The following AKAP19 variants were observed in gnomAD, a reference collection of about 807,000 sequenced individuals.
AKAP19 encodes the protein A-kinase anchoring protein 19.
At chr2:190,010,587 A>G in the AKAP19 span, among the ~76,000 whole-genome samples, 1 of 152,216 alleles carries the variant, frequency 6.6e-6, no homozygotes, top group Non-Finnish European at 1.5e-5. Flanking sequence ...AGATTCATCT[A>G]ACAAATATTT....
the AKAP19 span, among the ~76,000 whole-genome samples, chr2:189,905,243 C>T: frequency 0.05 from 7,584 of 151,892 alleles, 313 homozygotes; most frequent in African/African-American, 0.1. Context: ...AAGAAGCTGA[C>T]GCTTTAGTTG....
At chr2:190,197,518 T>A in the AKAP19 span, among the ~76,000 whole-genome samples, 1 of 152,202 alleles carries the variant, frequency 6.6e-6, no homozygotes, top group South Asian at 2.1e-4. This position sits in a 1 kb window ranked among gnomAD's most constrained non-coding sequence, Gnocchi z 4.0. Context: ...GAACTCTATC[T>A]TATAAATTCC....
chr2:190,046,448 G>T, the AKAP19 span, among the ~76,000 whole-genome samples: 1 of 152,040 alleles, frequency 6.6e-6, no homozygotes, highest in East Asian at 1.9e-4. Context: ...ATTTCTAATT[G>T]AATTCATTTG....
the AKAP19 span, among the ~76,000 whole-genome samples, chr2:190,172,713 T>G: frequency 6.6e-6 from 1 of 152,198 alleles, no homozygotes; most frequent in East Asian, 1.9e-4. Flanking sequence ...TCAGGCCTGG[T>G]TCAAATTCAA....
At chr2:190,175,256 T>C in the AKAP19 span, among the ~76,000 whole-genome samples, 30 of 152,204 alleles carry the variant, frequency 2.0e-4, no homozygotes, top group African/African-American at 7.2e-4. Context: ...ACAGATCTTG[T>C]ATAGGAAGAT....
At chr2:189,973,356 C>G in the AKAP19 span, among the ~76,000 whole-genome samples, 1 of 152,124 alleles carries the variant, frequency 6.6e-6, no homozygotes, top group South Asian at 2.1e-4. Context: ...GGTGGATAAA[C>G]TTTTTGATGT....
the AKAP19 span, among the ~76,000 whole-genome samples, chr2:189,986,403 C>A: frequency 2.7e-5 from 4 of 147,104 alleles, no homozygotes; most frequent in South Asian, 2.2e-4. Context: ...AAAAACAAAA[C>A]ACAAAAAAGA....
At chr2:190,077,438 A>AC in the AKAP19 span, among the ~76,000 whole-genome samples, 2 of 135,728 alleles carry the variant, frequency 1.5e-5, no homozygotes, top group African/African-American at 7.2e-5. Flanking sequence ...AATGTTAAAC[A>AC]TTTAAAATGT....
At chr2:189,909,248 T>C in the AKAP19 span, among the ~76,000 whole-genome samples, 1 of 151,918 alleles carries the variant, frequency 6.6e-6, no homozygotes, top group Admixed American at 6.6e-5. Context: ...CTGTGTGTTC[T>C]CAAAGCTAGA....
At chr2:190,080,142 TCA>T in the AKAP19 span, 7 of 152,188 alleles carry the variant, frequency 4.6e-5, no homozygotes, top group Non-Finnish European at 1.0e-4. Context: ...CCTTTCTTTC[TCA>T]GTTATATAAA....
the AKAP19 span, among the ~76,000 whole-genome samples, chr2:189,974,933 C>T: frequency 6.6e-6 from 1 of 152,116 alleles, no homozygotes; most frequent in African/African-American, 2.4e-5. Flanking sequence ...ACTCTTTATC[C>T]AATTTGCCAG....
the AKAP19 span, among the ~76,000 whole-genome samples, chr2:190,085,206 T>G: frequency 6.6e-6 from 1 of 152,206 alleles, no homozygotes; most frequent in African/African-American, 2.4e-5. Flanking sequence ...AGACATGAAA[T>G]ATATTTTACC....
chr2:190,099,195 A>G, the AKAP19 span, among the ~76,000 whole-genome samples: 2,691 of 152,316 alleles, frequency 0.018, 89 homozygotes, highest in African/African-American at 0.061. Context: ...TAAGAGGCCT[A>G]CCTTTCAGCC....
chr2:190,062,727 T>A, the AKAP19 span: 2 of 789,550 alleles, frequency 2.5e-6, no homozygotes, highest in Non-Finnish European at 4.0e-6. Flanking sequence ...CACCAGTGAA[T>A]CTTTTATACT....
chr2:189,903,155 A>G, the AKAP19 span, among the ~76,000 whole-genome samples: 1 of 151,970 alleles, frequency 6.6e-6, no homozygotes, highest in African/African-American at 2.4e-5. Flanking sequence ...TATACCTTAT[A>G]TAACTACACA....
the AKAP19 span, among the ~76,000 whole-genome samples, chr2:190,022,887 T>C: frequency 2.4e-4 from 37 of 152,162 alleles, no homozygotes; most frequent in East Asian, 6.9e-3. Flanking sequence ...TCTAGGTAAG[T>C]AGAAGGATAG....
the AKAP19 span, among the ~76,000 whole-genome samples, chr2:189,892,848 C>T: frequency 6.6e-6 from 1 of 152,176 alleles, no homozygotes; most frequent in Non-Finnish European, 1.5e-5. Flanking sequence ...CCCCTTCCCC[C>T]AGGTGCTCTG....
At chr2:190,153,740 C>G in the AKAP19 span, among the ~76,000 whole-genome samples, 1 of 152,086 alleles carries the variant, frequency 6.6e-6, no homozygotes, top group Admixed American at 6.5e-5. Context: ...CTTACATAAG[C>G]ATTGAGAAGG....
the AKAP19 span, among the ~76,000 whole-genome samples, chr2:190,093,616 A>G: frequency 6.6e-6 from 1 of 152,136 alleles, no homozygotes; most frequent in Non-Finnish European, 1.5e-5. Context: ...GTTGCCTCTA[A>G]TAGGATAATG....
Sources: gnomAD v4.1 joint callset for allele counts (sites outside exome capture counted in the v4.1 genomes callset) on GRCh38, gnomAD v4.1.1 for gene constraint, Gnocchi (gnomAD v3.1) non-coding constraint, MANE v1.5 for transcripts, NCBI Gene and HGNC (gene_info 2026-07-23, HGNC 2026-07-21) for gene names.